ADAMTSL1: variants seen among roughly 807,000 people sequenced by gnomAD.
The protein encoded by ADAMTSL1 is ADAMTS-like protein 1.
A neutral mutation model predicts 201.8 loss-of-function variants in ADAMTSL1; 126 were observed. The ratio of observed to expected loss-of-function variants is 0.62; its 90% confidence interval spans 0.54 to 0.72. ADAMTSL1 has a LOEUF of 0.72. ADAMTSL1 is among the 30% of genes least tolerant of loss of function. The pLI is 0.00. For missense variants in ADAMTSL1, 2,679 were observed against 2,277.8 expected, an observed-to-expected ratio of 1.18 and a Z score of -3.59; for synonymous variants, 1,121 against 903.4, an observed-to-expected ratio of 1.24 and a Z score of -4.32.
At chr9:17,917,369 G>A (rs1476217707) in intron 1 of ADAMTSL1, among the ~76,000 whole-genome samples, 1 of 151,990 alleles carries the variant, frequency 6.6e-6, no homozygotes, top group African/African-American at 2.4e-5. Flanking sequence ...TTTTGTAGAT[G>A]CTCTTTATGT....
intron 13 of ADAMTSL1, among the ~76,000 whole-genome samples, chr9:18,704,913 G>A (rs532808267): frequency 1.3e-5 from 2 of 152,318 alleles, no homozygotes; most frequent in South Asian, 4.2e-4. Context: ...GTTATATGGG[G>A]ACCTTTGTTC....
intron 3 of ADAMTSL1, among the ~76,000 whole-genome samples, chr9:18,554,096 A>G (rs1282594023): frequency 1.3e-5 from 2 of 151,446 alleles, no homozygotes; most frequent in Non-Finnish European, 3.0e-5. Context: ...TCCCAGCTGT[A>G]TCTAATATGC....
chr9:18,753,233 T>G, intron 15 of ADAMTSL1, 65 bp from the exon 16 acceptor site: 1 of 1,494,702 alleles, frequency 6.7e-7, no homozygotes, highest in Middle Eastern at 1.7e-4. Context: ...CCATTTGAGT[T>G]CATGGGAAAC....
chr9:18,636,085 C>A, intron 6 of ADAMTSL1, 68 bp downstream of exon 6: 2 of 1,300,354 alleles, frequency 1.5e-6, no homozygotes, highest in South Asian at 1.4e-5. Context: ...TTTGTCTTCC[C>A]AGAAAAGATT....
intron 2 of ADAMTSL1, among the ~76,000 whole-genome samples, chr9:18,461,731 A>G (rs1026333749): frequency 2.6e-5 from 4 of 152,182 alleles, no homozygotes; most frequent in South Asian, 2.1e-4. Context: ...CTGAACCACA[A>G]TAGTAGTCTC....
chr9:18,628,081 G>A lies in ADAMTSL1; in HGVS notation c.601+5712G>A, dbSNP rs530362416. Among the ~76,000 whole-genome samples the A allele has an allele frequency of 1.3e-4, 20 of 152,184 alleles. No individual in the cohort carries two copies. In the East Asian group the frequency reaches 3.9e-3, roughly 29 times the overall value. On this transcript the variant is annotated intron_variant, in intron 5 of 28. Transcript: ENST00000380548. ...ATTGCTTAATGTTATCTTTCACAGA[G>A]CAAAAGCTTTTCATTTGGATGAAGA... is the stretch of plus-strand genomic sequence containing the variant.
At chr9:18,788,282 T>A (rs1017330979) in intron 19 of ADAMTSL1, among the ~76,000 whole-genome samples, 2 of 152,184 alleles carry the variant, frequency 1.3e-5, no homozygotes, top group African/African-American at 4.8e-5. Flanking sequence ...CTCAGAGCAT[T>A]CCTTTTGCCT....
At position 18,243,496 on chromosome 9, in the gene ADAMTSL1, G is replaced by A. The variant is rs183569966; in HGVS notation, c.207+79515G>A. ...TCCTCACACTGACCTTTGAAATAAC[G>A]AATGTCTTTCTTTGTAAAACTCTTT... is the stretch of plus-strand genomic sequence containing the variant. On this transcript the variant is annotated intron_variant, in intron 2 of 29. Transcript: ENST00000680146. 5.3e-5 allele frequency among the ~76,000 whole-genome samples: 8 copies of A among 151,984 alleles called. No individual in the cohort carries two copies. The East Asian group carries it at 1.4e-3, about 26-fold the overall frequency.
At position 18,722,939 on chromosome 9, in the gene ADAMTSL1, C is replaced by G; in HGVS notation, c.2006+1274C>G. 1.1e-5 allele frequency: 8 copies of G among 736,692 alleles called. No homozygotes were observed. The South Asian group carries it at 1.2e-4, about 11-fold the overall frequency. 45.6% of individuals were successfully genotyped at this position (736,692 alleles called of 1,614,324 possible). A position where few individuals can be genotyped will look rare whatever the true frequency, so the allele number is the denominator to read the frequency against. On this transcript the variant is annotated intron_variant, in intron 15 of 28. Transcript: ENST00000380548. ...CCACATTTCTGTCCTAACTTCGCAG[C>G]TCTCTAGTTGTTGAGCCTAAATGTG...
intron 1 of ADAMTSL1, among the ~76,000 whole-genome samples, chr9:17,956,612 C>T (rs978187871): frequency 2.6e-5 from 4 of 152,106 alleles, no homozygotes; most frequent in African/African-American, 9.7e-5. Flanking sequence ...AGTTTTCCTG[C>T]TCTCTCTCTT....
intron 20 of ADAMTSL1, among the ~76,000 whole-genome samples, chr9:18,805,870 A>T (rs1823082621): frequency 1.3e-5 from 2 of 152,102 alleles, no homozygotes; most frequent in African/African-American, 4.8e-5. Flanking sequence ...GAAATCTCCA[A>T]ACCTGCCAAA....
chr9:18,244,378 C>A (rs951376653), intron 2 of ADAMTSL1, among the ~76,000 whole-genome samples: 1 of 151,968 alleles, frequency 6.6e-6, no homozygotes, highest in Non-Finnish European at 1.5e-5. Flanking sequence ...TCAAAATTGT[C>A]TACTACATTA....
At chr9:18,303,275 C>G (rs1563871974) in intron 2 of ADAMTSL1, among the ~76,000 whole-genome samples, 5 of 152,154 alleles carry the variant, frequency 3.3e-5, no homozygotes. Flanking sequence ...GTTGAATGTC[C>G]TGCCTCAAGT....
intron 2 of ADAMTSL1, among the ~76,000 whole-genome samples, chr9:18,347,234 G>A (rs1203814080): frequency 2.6e-5 from 4 of 151,868 alleles, no homozygotes; most frequent in Non-Finnish European, 2.9e-5. Context: ...ACTTCTTAGA[G>A]ACAAAAAAAT....
At chr9:18,891,698 T>C (rs1418724792) in intron 25 of ADAMTSL1, among the ~76,000 whole-genome samples, 1 of 152,196 alleles carries the variant, frequency 6.6e-6, no homozygotes, top group African/African-American at 2.4e-5. Flanking sequence ...TTCTGAGAGA[T>C]TGACCAAAAT....
intron 9 of ADAMTSL1, among the ~76,000 whole-genome samples, chr9:18,670,180 G>A (rs1271944622): frequency 6.6e-6 from 1 of 152,114 alleles, no homozygotes; most frequent in Non-Finnish European, 1.5e-5. Flanking sequence ...CACCTATTTT[G>A]TGAAAGGTTC....
chr9:18,412,423 T>C (rs1818482978), intron 2 of ADAMTSL1, among the ~76,000 whole-genome samples: 2 of 152,238 alleles, frequency 1.3e-5, no homozygotes, highest in Non-Finnish European at 2.9e-5. Flanking sequence ...TTACTGGTTG[T>C]AAAATGATGA....
In ADAMTSL1 at chr9:18,636,006, C is replaced by T. The variant is rs1221588633; in HGVS notation, c.665C>T (p.Pro222Leu). Residue 222 changes from proline to leucine, a missense_variant, in exon 6 of 29, where the codon CCT (proline) becomes CTT (leucine). Pro to Leu is a moderately conservative substitution (Grantham distance 98, BLOSUM62 -3). Coordinates refer to ENST00000380548, the MANE Select transcript of ADAMTSL1 (RefSeq NM_001040272.6). ...SRHIRLVLKG[P>L]DHLYLETKTL... ...CATATTCGCCTTGTCTTAAAAGGTC[C>T]TGATCACTTATGTAAGTAACTCCAT... 6.3e-7 allele frequency: 1 copy of T among 1,596,320 alleles called. No individual in the cohort carries two copies. The highest frequency in any genetic ancestry group is 1.8e-5 in the Admixed American group (1 of 54,204).
chr9:18,776,649 C>T (rs1821017171), intron 18 of ADAMTSL1, 132 bp from the exon 19 acceptor site: 1 of 1,077,852 alleles, frequency 9.3e-7, no homozygotes, highest in East Asian at 2.7e-5. Context: ...TCCCGTCCTC[C>T]GGCACCTTCG....
Sources: gnomAD v4.1 joint callset for allele counts (sites outside exome capture counted in the v4.1 genomes callset) on GRCh38, gnomAD v4.1.1 for gene constraint, MANE v1.5 for transcripts, NCBI Gene and HGNC (gene_info 2026-07-23, HGNC 2026-07-21) for gene names.